The following GZMM variants were observed in gnomAD, a reference collection of about 807,000 sequenced individuals.
The protein encoded by GZMM is HU-Met-1.
GZMM carries 23 observed loss-of-function variants against 19.2 expected under a neutral mutation model. The ratio of observed to expected loss-of-function variants is 1.20; its 90% CI spans 0.86 to 1.69. The LOEUF is 1.69. Among genes scored for constraint, GZMM ranks in the 40% most tolerant of loss-of-function variants. The pLI is 0.00. For missense variants in GZMM, 373 were observed against 352.2 expected (o/e 1.06, Z -0.47); for synonymous variants, 178 against 160.2 (o/e 1.11, Z -0.84).
intron 2 of GZMM, among the ~76,000 whole-genome samples, chr19:547,978 C>T (rs116762278): frequency 0.011 from 1,700 of 152,234 alleles, 35 homozygotes; most frequent in African/African-American, 0.038. Flanking sequence ...AGGGATCTGC[C>T]GGCTTGTGTA....
intron 4 of GZMM, 49 bp from the exon 5 acceptor site, chr19:549,581 G>A (rs556663346): frequency 1.9e-4 from 293 of 1,565,710 alleles, no homozygotes; most frequent in Middle Eastern, 4.0e-4. Context: ...TGCTCCCCTC[G>A]TCCCCTCAGC....
intron 1 of GZMM, among the ~76,000 whole-genome samples, chr19:546,384 C>G (rs1439930752): frequency 1.3e-5 from 2 of 151,258 alleles, no homozygotes; most frequent in Non-Finnish European, 2.9e-5. Context: ...ACTAAAAATA[C>G]AAAAAAATTA....
intron 1 of GZMM, among the ~76,000 whole-genome samples, chr19:546,577 T>C (rs138681559): frequency 0.013 from 1,856 of 143,054 alleles, 45 homozygotes; most frequent in South Asian, 0.047. Flanking sequence ...CAGTGGCTCA[T>C]ACCTGTAATC....
At chr19:544,806 CCAT>C (rs1302206092) in intron 1 of GZMM, among the ~76,000 whole-genome samples, 1 of 147,530 alleles carries the variant, frequency 6.8e-6, no homozygotes, top group Non-Finnish European at 1.5e-5. Flanking sequence ...ACCCACCCAT[CCAT>C]CATCCATCCC....
rs1328666933 is a variant in GZMM at position 549,170 on chromosome 19, C to T, written c.597C>T (p.Asp199=). The T allele has an allele frequency of 2.5e-6, 4 of 1,574,974 alleles. No individual in the cohort carries two copies. The highest frequency in any genetic ancestry group is 2.3e-5 in the East Asian group (1 of 43,254). ...SMVCLAADSK[D]QAPCKGDSGG... ...TCTGCCTGGCGGCCGACTCCAAGGA[C>T]CAGGCTCCCTGCAAGGTGAGGGGCG... is the stretch of plus-strand genomic sequence containing the variant. Residue 199 remains aspartate, a synonymous_variant, in exon 4 of 5, where the codon GAC becomes GAT. Transcript: ENST00000264553.
rs370750803 is a variant in GZMM, at chr19:549,619, C to G, written c.613-11C>G. The G allele has an allele frequency of 1.2e-6, 2 of 1,607,760 alleles. No homozygotes were observed. The highest frequency in any genetic ancestry group is 3.3e-5 in the Admixed American group (2 of 59,890). ...GTGCAGAGGCTGAGCTGCGGTGTGTCGTCCCTGCAGGGTGACTCGGGCGGG... is the reference window on the plus strand; with the variant it reads ...GTGCAGAGGCTGAGCTGCGGTGTGTGGTCCCTGCAGGGTGACTCGGGCGGG... On this transcript the variant is annotated splice_polypyrimidine_tract_variant and intron_variant, in intron 4 of 4. Transcript: ENST00000264553.
Position 549,863 on chromosome 19 carries a change from GT to G in GZMM, c.*73del. The stretch of plus-strand genomic sequence containing the variant: ...CCCCTCCAGGGGTGCAGTGGGGTGG[GT>G]GAGGACGGGTGGGAGGGACAGGGAG... On this transcript the variant is annotated 3_prime_UTR_variant, in exon 5 of 5. Coordinates refer to ENST00000264553, the MANE Select transcript of GZMM (RefSeq NM_005317.4). 1.1e-5 allele frequency: 6 copies of G among 553,240 alleles called. No homozygotes were observed. Among genetic ancestry groups the G allele is most frequent in the Non-Finnish European group, 1.6e-5 (5 of 303,218 alleles). The allele number at this position is 553,240 out of a possible 1,614,324, so 34.3% of individuals were successfully genotyped here. A position where few individuals can be genotyped will look rare whatever the true frequency, so the allele number is the denominator to read the frequency against.
rs3745923 is a variant in GZMM, at chr19:548,474, C to T, written c.213-68C>T. ...CATGGACAACGGGCACAGTGGGGGC[C>T]GGGACTGCATGTGGCGGGTCGTCCA... is the stretch of plus-strand genomic sequence containing the variant. On this transcript the variant is annotated intron_variant, in intron 2 of 4. Transcript: ENST00000264553. 2.3e-5 allele frequency: 35 copies of T among 1,523,286 alleles called. No homozygotes were observed. The East Asian group carries it at 7.1e-4, about 31-fold the overall frequency. 94.4% of individuals were successfully genotyped at this position (1,523,286 alleles called of 1,614,324 possible).
rs200669012 is a variant in GZMM, at chr19:549,063, C to T, written c.490C>T (p.Arg164Trp). The T allele has an allele frequency of 1.2e-3, 1,877 of 1,592,100 alleles. 3 individuals carry two copies. Among genetic ancestry groups the T allele is most frequent in the Non-Finnish European group, 1.4e-3 (1,670 of 1,170,940 alleles). Residue 164 changes from arginine (R) to tryptophan (W), a missense_variant, in exon 4 of 5, where the codon CGG becomes TGG. Arg to Trp is a moderately radical substitution (Grantham distance 101). Coordinates refer to ENST00000264553, the MANE Select transcript of GZMM (RefSeq NM_005317.4). ...HQGGRLSRVLRELDLQVLDTR... is the reference protein window; with the variant it reads ...HQGGRLSRVLWELDLQVLDTR... ...GGGCGGGCGCCTGTCCCGGGTGCTG[C>T]GGGAGCTGGACCTCCAAGTGCTGGA...
Position 549,045 on chromosome 19 carries a change from C to T in GZMM, c.472C>T (p.Arg158Cys), listed in dbSNP as rs202213878. 1.3e-5 allele frequency: 20 copies of T among 1,596,920 alleles called. No individual in the cohort carries two copies. The East Asian group carries it at 1.6e-4, about 13-fold the overall frequency. Residue 158 changes from arginine to cysteine, a missense_variant, in exon 4 of 5, where the codon CGC (arginine) becomes TGC (cysteine). Transcript: ENST00000264553. ...CTGGGGGCTGACCCACCAGGGCGGGCGCCTGTCCCGGGTGCTGCGGGAGCT... is the reference window on the plus strand; with the variant it reads ...CTGGGGGCTGACCCACCAGGGCGGGTGCCTGTCCCGGGTGCTGCGGGAGCT... Reference protein sequence around the residue: ...AGWGLTHQGGRLSRVLRELDL... With the variant: ...AGWGLTHQGGCLSRVLRELDL...
rs1599882 is a variant in GZMM, at chr19:549,678, A to G, written c.661A>G (p.Arg221Gly). ...LVCGKGRVLA[R>G]VLSFSSRVCT... ...GTGTGGCAAAGGCCGGGTGTTGGCC[A>G]GAGTCCTGTCCTTCAGCTCCAGGGT... Residue 221 changes from arginine (R) to glycine (G), a missense_variant, in exon 5 of 5, where the codon AGA becomes GGA. Arg to Gly is a moderately radical substitution (Grantham distance 125, BLOSUM62 -2). Coordinates refer to ENST00000264553, the MANE Select transcript of GZMM (RefSeq NM_005317.4). The G allele has an allele frequency of 0.99, 1,599,496 of 1,613,690 alleles. 792,733 individuals carry two copies. The highest frequency in any genetic ancestry group is 1 in the East Asian group (44,872 of 44,874).
intron 1 of GZMM, among the ~76,000 whole-genome samples, chr19:545,153 C>T (rs17603889): frequency 0.048 from 7,177 of 149,198 alleles, 208 homozygotes; most frequent in South Asian, 0.093. Flanking sequence ...TTGCAGGGCT[C>T]GTGCTGTTCT....
In GZMM at chr19:549,044, G is replaced by A; in HGVS notation, c.471G>A (p.Gly157=). ...GCTGGGGGCTGACCCACCAGGGCGG[G>A]CGCCTGTCCCGGGTGCTGCGGGAGC... ...MAGWGLTHQG[G]RLSRVLRELD... The change falls in exon 4 of 5, where the codon GGG becomes GGA. Residue 157 remains glycine, a synonymous_variant. Coordinates refer to ENST00000264553, the MANE Select transcript of GZMM (RefSeq NM_005317.4). The A allele has an allele frequency of 2.5e-6, 4 of 1,598,330 alleles. No individual in the cohort carries two copies. Among genetic ancestry groups the A allele is most frequent in the East Asian group, 2.3e-5 (1 of 44,242 alleles).
Position 548,478 on chromosome 19 carries a change from A to G in GZMM, c.213-64A>G, listed in dbSNP as rs2145860452. The G allele has an allele frequency of 2.6e-6, 4 of 1,545,818 alleles. No homozygotes were observed. In the East Asian group the frequency reaches 6.8e-5, roughly 26 times the overall value. ...GACAACGGGCACAGTGGGGGCCGGGACTGCATGTGGCGGGTCGTCCACGCC... is the reference window on the plus strand; with the variant it reads ...GACAACGGGCACAGTGGGGGCCGGGGCTGCATGTGGCGGGTCGTCCACGCC... On this transcript the variant is annotated intron_variant, in intron 2 of 4. Coordinates refer to ENST00000264553, the MANE Select transcript of GZMM (RefSeq NM_005317.4).
intron 1 of GZMM, among the ~76,000 whole-genome samples, chr19:544,664 T>C (rs1343938260): frequency 6.6e-6 from 1 of 151,850 alleles, no homozygotes; most frequent in African/African-American, 2.4e-5. Flanking sequence ...GTCATCATCA[T>C]CCTTCCTCCC....
Position 549,867 on chromosome 19 carries a change from G to GTT in GZMM, c.*76_*77insTT. 1 of 937,116 alleles carries GTT rather than the reference G, an allele frequency of 1.1e-6. No individual in the cohort carries two copies. The highest frequency in any genetic ancestry group is 1.6e-6 in the Non-Finnish European group (1 of 607,894). 58.1% of individuals were successfully genotyped at this position (937,116 alleles called of 1,614,324 possible). On this transcript the variant is annotated 3_prime_UTR_variant, in exon 5 of 5. Transcript: ENST00000264553. Reference sequence around the variant, plus strand: ...TCCAGGGGTGCAGTGGGGTGGGTGAGGACGGGTGGGAGGGACAGGGAGGGA... The same window carrying GTT: ...TCCAGGGGTGCAGTGGGGTGGGTGAGTTGACGGGTGGGAGGGACAGGGAGGGA...
intron 1 of GZMM, among the ~76,000 whole-genome samples, chr19:546,085 C>T (rs897723314): frequency 2.0e-5 from 3 of 151,974 alleles, no homozygotes; most frequent in Non-Finnish European, 4.4e-5. Flanking sequence ...GGCCCGCAAG[C>T]GGGGACTTGA....
chr19:548,744 C>CGGG, intron 3 of GZMM, 67 bp downstream of exon 3: 1 of 1,426,476 alleles, frequency 7.0e-7, no homozygotes, highest in Non-Finnish European at 9.6e-7. Context: ...CTCACCCCCA[C>CGGG]TGCGCCCTCC....
chr19:549,581 G>C, intron 4 of GZMM, 49 bp from the exon 5 acceptor site: 1 of 1,565,720 alleles, frequency 6.4e-7, no homozygotes, highest in Non-Finnish European at 8.6e-7. Context: ...TGCTCCCCTC[G>C]TCCCCTCAGC....
Sources: allele counts gnomAD v4.1 joint callset (sites outside exome capture counted in the v4.1 genomes callset), GRCh38; gene constraint gnomAD v4.1.1; transcripts MANE v1.5; gene names NCBI Gene and HGNC (gene_info 2026-07-23, HGNC 2026-07-21).